Variants in DOCK2 observed in about 807,000 individuals in gnomAD.
DOCK2 encodes dedicator of cytokinesis protein 2.
Under a neutral mutation model 248.9 loss-of-function variants are expected in DOCK2, and 87 were observed. The ratio of observed to expected loss-of-function variants is 0.35; its 90% CI spans 0.29 to 0.42. The LOEUF (loss-of-function observed/expected upper bound fraction) is 0.42. Ranked by LOEUF, DOCK2 falls within the 10% of genes least tolerant of loss-of-function variation. The pLI is 1.00. For synonymous variants in DOCK2, 805 were observed against 821.6 expected (o/e 0.98, Z 0.35); for missense variants, 1,747 against 2,300.2 (o/e 0.76, Z 4.92).
Position 170,070,083 on chromosome 5 carries a change from G to C in DOCK2, c.4728+863G>C, listed in dbSNP as rs144152513. On this transcript the variant is annotated intron_variant, in intron 46 of 51. Transcript: ENST00000520908. The stretch of plus-strand genomic sequence containing the variant: ...TACACAGGGCTAGGCTTCCCTCCAG[G>C]CCCAGAGCAGCCCCCTCCTCAGACA... Among the ~76,000 whole-genome samples, 476 of 152,322 alleles carry C rather than the reference G, an allele frequency of 3.1e-3. 2 individuals carry two copies. The highest frequency in any genetic ancestry group is 0.014 in the Middle Eastern group (4 of 294).
chr5:169,730,890 C>CTT (rs60375086), intron 22 of DOCK2, among the ~76,000 whole-genome samples: 34,404 of 145,448 alleles, frequency 0.24, 5,135 homozygotes, highest in African/African-American at 0.45. Flanking sequence ...CTCTCTCTCT[C>CTT]TTTTTTTTAG....
Position 169,695,813 on chromosome 5 carries a change from A to C in DOCK2, c.854A>C (p.Asn285Thr), listed in dbSNP as rs762534189. ...TTTCTTTCCCCCCAGGATCTTGGAA[A>C]CAAAGACCTCAACAGGGATAAAATT... is the stretch of plus-strand genomic sequence containing the variant. ...NLKVVFTDLGNKDLNRDKIYL... is the reference protein window; with the variant it reads ...NLKVVFTDLGTKDLNRDKIYL... The change falls in exon 10 of 52, where the codon AAC becomes ACC. Residue 285 changes from asparagine (N) to threonine (T), a missense_variant. Coordinates refer to ENST00000520908, the MANE Select transcript of DOCK2 (RefSeq NM_004946.3). 1 of 1,613,460 alleles carries C rather than the reference A, an allele frequency of 6.2e-7. No homozygotes were observed. The highest frequency in any genetic ancestry group is 1.1e-5 in the South Asian group (1 of 90,928).
At chr5:169,693,117 T>C (rs970541876) in intron 9 of DOCK2, among the ~76,000 whole-genome samples, 11 of 152,002 alleles carry the variant, frequency 7.2e-5, no homozygotes, top group African/African-American at 2.4e-4. Flanking sequence ...ATTTCAAAAA[T>C]ATGGAGAATC....
chr5:170,021,948 G>A (rs1160313782), intron 33 of DOCK2, among the ~76,000 whole-genome samples: 1 of 152,130 alleles, frequency 6.6e-6, no homozygotes, highest in African/African-American at 2.4e-5. Context: ...AGTACATGAT[G>A]CCAAAATAAT....
chr5:170,003,649 G>A (rs1754917956), intron 30 of DOCK2, among the ~76,000 whole-genome samples: 1 of 152,202 alleles, frequency 6.6e-6, no homozygotes, highest in Non-Finnish European at 1.5e-5. Context: ...TGATCTCCGT[G>A]GAGTCTGAGC....
In DOCK2 at chr5:169,893,162, C is replaced by G. The variant is rs753102487; in HGVS notation, c.2799+52310C>G. Among the ~76,000 whole-genome samples, 3 of 152,178 alleles carry G rather than the reference C, an allele frequency of 2.0e-5. No homozygotes were observed. The East Asian group carries it at 5.8e-4, about 29-fold the overall frequency. On this transcript the variant is annotated intron_variant, in intron 27 of 51. Coordinates refer to ENST00000520908, the MANE Select transcript of DOCK2 (RefSeq NM_004946.3). ...GGGGAATCAGCATCTCTTGAATTTC[C>G]TCTTTTGCAAGCCTCAGGGCACCTG...
At position 170,081,922 on chromosome 5, in the gene DOCK2, C is replaced by T. The variant is rs760479360; in HGVS notation, c.5368C>T (p.Leu1790Phe). ...CCGCCTCAGCCAGACCTTCCTCCAA[C>T]TCTCAGATGGTGACAAGAAGACACT... is the stretch of plus-strand genomic sequence containing the variant. The part of the protein sequence containing the change: ...SPRLSQTFLQ[L>F]SDGDKKTLTR... The change falls in exon 51 of 52, where the codon CTC (leucine) becomes TTC (phenylalanine). Residue 1790 changes from leucine (L) to phenylalanine (F), a missense_variant. Physicochemically the swap from Leu to Phe is conservative, Grantham distance 22. Coordinates refer to ENST00000520908, the MANE Select transcript of DOCK2 (RefSeq NM_004946.3). 6.2e-6 allele frequency: 10 copies of T among 1,614,066 alleles called. No homozygotes were observed. The highest frequency in any genetic ancestry group is 2.2e-5 in the South Asian group (2 of 91,088).
intron 44 of DOCK2, among the ~76,000 whole-genome samples, chr5:170,066,292 AAAAAC>A (rs148940422): frequency 0.042 from 6,446 of 152,224 alleles, 217 homozygotes; most frequent in African/African-American, 0.095. Context: ...AACTGTAAAA[AAAAAC>A]AAAACAAAAG....
At position 169,684,239 on chromosome 5, in the gene DOCK2, C is replaced by A. The variant is rs755691445; in HGVS notation, c.650C>A (p.Ser217Ter). The A allele has an allele frequency of 1.2e-6, 2 of 1,614,190 alleles. No homozygotes were observed. Among genetic ancestry groups the A allele is most frequent in the Non-Finnish European group, 1.7e-6 (2 of 1,180,002 alleles). Residue 217 changes from serine to a stop codon, truncating the protein, a stop_gained, in exon 8 of 52, where the codon TCA becomes TAA. Transcript: ENST00000520908. LOFTEE classifies it high-confidence loss of function. Reference protein sequence around the residue: ...PDYAMYSRISSSPTHSLYVFV... With the variant: ...PDYAMYSRIS The stretch of plus-strand genomic sequence containing the variant: ...TATGCAATGTATTCCCGGATCTCCT[C>A]ATCCCCCACCCATAGCCTCTATGTG...
intron 38 of DOCK2, among the ~76,000 whole-genome samples, chr5:170,045,378 C>G (rs577835655): frequency 6.6e-6 from 1 of 152,148 alleles, no homozygotes; most frequent in Non-Finnish European, 1.5e-5. Context: ...TCACTAAACA[C>G]GAGCACGTGG....
rs72841138 is a variant in DOCK2 at position 169,689,340 on chromosome 5, G to A, written c.843+7G>A. 73,350 of 1,613,588 alleles carry A rather than the reference G, an allele frequency of 0.045. 1,883 individuals carry two copies. Among genetic ancestry groups the A allele is most frequent in the African/African-American group, 0.07 (5,235 of 74,994 alleles). ...TCTGAAGGTGGTCTTCACGGTGAGT[G>A]TGCACCCTCTTCTCGTTACCGTGCT... On this transcript the variant is annotated splice_region_variant and intron_variant, in intron 9 of 51. Transcript: ENST00000520908.
At chr5:169,697,062 T>C (rs1456220201) in intron 10 of DOCK2, among the ~76,000 whole-genome samples, 1 of 152,164 alleles carries the variant, frequency 6.6e-6, no homozygotes, top group African/African-American at 2.4e-5. Context: ...AAGTGTGTCT[T>C]TGTCCTCAGC....
Position 170,071,942 on chromosome 5 carries a change from A to G in DOCK2, c.4728+2722A>G, listed in dbSNP as rs574618820. Among the ~76,000 whole-genome samples, 11 of 152,336 alleles carry G rather than the reference A, an allele frequency of 7.2e-5. No individual in the cohort carries two copies. The East Asian group carries it at 1.7e-3, about 24-fold the overall frequency. The stretch of plus-strand genomic sequence containing the variant: ...TTCATTTTGTTTATGAGTCATAACT[A>G]TGATTCACATTCATTTTCATTGCTA... On this transcript the variant is annotated intron_variant, in intron 46 of 51. Transcript: ENST00000520908.
intron 27 of DOCK2, among the ~76,000 whole-genome samples, chr5:169,879,516 G>T (rs1048644949): frequency 1.3e-5 from 2 of 152,164 alleles, no homozygotes; most frequent in Non-Finnish European, 2.9e-5. Flanking sequence ...GGCTTTGAAT[G>T]GTAATGAGGG....
At chr5:169,699,853 T>A (rs1755069569) in intron 12 of DOCK2, among the ~76,000 whole-genome samples, 161 bp from the exon 13 acceptor site, 1 of 152,180 alleles carries the variant, frequency 6.6e-6, no homozygotes, top group African/African-American at 2.4e-5. Context: ...GACCCAGAGA[T>A]CGCCTGTTCC....
chr5:169,870,062 T>C (rs1367004418), intron 27 of DOCK2, among the ~76,000 whole-genome samples: 1 of 152,128 alleles, frequency 6.6e-6, no homozygotes, highest in Non-Finnish European at 1.5e-5. Flanking sequence ...GGTATGTGAG[T>C]TGGTCTTCCT....
At chr5:169,959,527 C>G (rs984152115) in intron 27 of DOCK2, among the ~76,000 whole-genome samples, 1 of 152,108 alleles carries the variant, frequency 6.6e-6, no homozygotes, top group Non-Finnish European at 1.5e-5. Context: ...TAATAGTCCA[C>G]AGGGTGATGG....
At position 170,057,680 on chromosome 5, in the gene DOCK2, A is replaced by G; in HGVS notation, c.4467+14A>G. On this transcript the variant is annotated intron_variant, in intron 44 of 51. Coordinates refer to ENST00000520908, the MANE Select transcript of DOCK2 (RefSeq NM_004946.3). ...CACATGTCGCAGGTGAGTCTGGGAC[A>G]TTCGTGGCAGGGCCACCCTTCCTCC... 6.3e-7 allele frequency: 1 copy of G among 1,591,390 alleles called. No homozygotes were observed. The highest frequency in any genetic ancestry group is 1.3e-5 in the African/African-American group (1 of 74,406).
At chr5:169,802,918 C>T (rs796936209) in intron 25 of DOCK2, 140 bp from the exon 26 acceptor site, 17 of 1,112,912 alleles carry the variant, frequency 1.5e-5, no homozygotes, top group Non-Finnish European at 2.1e-5. Context: ...AAATCTTAAC[C>T]TAATCTTTAA....
Sources: gnomAD v4.1 joint callset for allele counts (sites outside exome capture counted in the v4.1 genomes callset) on GRCh38, gnomAD v4.1.1 for gene constraint, MANE v1.5 for transcripts, NCBI Gene and HGNC (gene_info 2026-07-23, HGNC 2026-07-21) for gene names.